Variants in WDPCP observed in about 807,000 individuals in gnomAD.
WDPCP encodes the protein WD repeat-containing and planar cell polarity effector protein fritz homolog.
A neutral mutation model predicts 93.1 loss-of-function variants in WDPCP; 71 were observed. That is an observed-to-expected ratio of 0.76 (90% CI 0.63 to 0.93). The LOEUF (loss-of-function observed/expected upper bound fraction) is 0.93. WDPCP is among the 40% of genes least tolerant of loss of function. The pLI is 0.00. For missense variants in WDPCP, 844 were observed against 887.4 expected (o/e 0.95, Z 0.62); for synonymous variants, 315 against 315.0 (o/e 1.00, Z 0.00).
intron 13 of WDPCP, among the ~76,000 whole-genome samples, chr2:63,288,848 T>C (rs1224838033): frequency 6.6e-6 from 1 of 152,170 alleles, no homozygotes; most frequent in Non-Finnish European, 1.5e-5. Flanking sequence ...TTACTTTCTA[T>C]GAACTTAGCA....
At chr2:63,324,963 A>G (rs1251946099) in intron 12 of WDPCP, among the ~76,000 whole-genome samples, 1 of 152,198 alleles carries the variant, frequency 6.6e-6, no homozygotes, top group Non-Finnish European at 1.5e-5. Context: ...CATCACCTGA[A>G]TCACTTGAGG....
chr2:63,140,824 C>T (rs1381046559), intron 17 of WDPCP, among the ~76,000 whole-genome samples: 1 of 152,170 alleles, frequency 6.6e-6, no homozygotes, highest in Non-Finnish European at 1.5e-5. Flanking sequence ...TGTCTGATTG[C>T]TCTGGCTAGG....
intron 9 of WDPCP, among the ~76,000 whole-genome samples, chr2:63,405,594 G>A (rs1432162419): frequency 1.4e-5 from 2 of 142,706 alleles, no homozygotes; most frequent in East Asian, 4.0e-4. Context: ...TGTTGGCGGG[G>A]GTGGTCCTGG....
At position 63,381,588 on chromosome 2, in the gene WDPCP, C is replaced by T. The variant is rs564427417; in HGVS notation, c.1624+318G>A. Among the ~76,000 whole-genome samples, 185 of 152,266 alleles carry T rather than the reference C, an allele frequency of 1.2e-3. 1 individual carries two copies. The highest frequency in any genetic ancestry group is 4.3e-3 in the African/African-American group (178 of 41,558). On this transcript the variant is annotated intron_variant, in intron 11 of 17. Transcript: ENST00000272321. ...TTTGTCTAGCAGACCCCACGGAGTA[C>T]ATGAAATTTTTGATCAAAGTTTGAA...
At chr2:63,168,371 CT>C (rs1397134237) in intron 15 of WDPCP, among the ~76,000 whole-genome samples, 1 of 151,812 alleles carries the variant, frequency 6.6e-6, no homozygotes, top group Non-Finnish European at 1.5e-5. Flanking sequence ...GCCTGAATAT[CT>C]TTCCCCATTC....
intron 2 of WDPCP, among the ~76,000 whole-genome samples, chr2:63,680,455 C>G (rs1710478193): frequency 6.6e-6 from 1 of 152,160 alleles, no homozygotes; most frequent in Admixed American, 6.5e-5. Context: ...GAAAGCAAAA[C>G]CAGGTTGAGG....
chr2:63,564,932 C>A (rs1453758849), intron 1 of WDPCP, among the ~76,000 whole-genome samples: 2 of 152,122 alleles, frequency 1.3e-5, no homozygotes, highest in Non-Finnish European at 2.9e-5. Context: ...CGCGTGCCAC[C>A]ATACCTGGCT....
intron 1 of WDPCP, among the ~76,000 whole-genome samples, chr2:63,529,491 G>C (rs1703642763): frequency 6.6e-6 from 1 of 152,118 alleles, no homozygotes; most frequent in South Asian, 2.1e-4. Flanking sequence ...TTTTGTCTTT[G>C]GTTCTGTTTA....
chr2:63,477,575 G>A (rs913525910), intron 6 of WDPCP, among the ~76,000 whole-genome samples: 2 of 152,048 alleles, frequency 1.3e-5, no homozygotes, highest in Non-Finnish European at 2.9e-5. Flanking sequence ...AGAGCAGCAC[G>A]TGGGGACACA....
At chr2:63,214,288 T>C (rs548924251) in intron 14 of WDPCP, among the ~76,000 whole-genome samples, 1 of 152,312 alleles carries the variant, frequency 6.6e-6, no homozygotes, top group East Asian at 1.9e-4. Context: ...TCAAGTGGGC[T>C]TCATCCCTGG....
rs184851771 is a variant in WDPCP, at chr2:63,281,592, C to T, written c.1813-22183G>A. ...TGGAACCAGTCCAAATACCAATCAACGAGCGGATAAAGAAAATGTGATATA... is the reference window on the plus strand; with the variant it reads ...TGGAACCAGTCCAAATACCAATCAATGAGCGGATAAAGAAAATGTGATATA... On this transcript the variant is annotated intron_variant, in intron 13 of 17. Transcript: ENST00000272321. Among the ~76,000 whole-genome samples, 330 of 152,140 alleles carry T rather than the reference C, an allele frequency of 2.2e-3. 1 individual carries two copies. Among genetic ancestry groups the T allele is most frequent in the African/African-American group, 6.2e-3 (258 of 41,520 alleles).
intron 1 of WDPCP, among the ~76,000 whole-genome samples, chr2:63,819,099 T>C (rs947340444): frequency 2.6e-5 from 4 of 152,198 alleles, no homozygotes; most frequent in African/African-American, 9.6e-5. Flanking sequence ...AAAAAGATTG[T>C]ACAGAAACAG....
intron 2 of WDPCP, among the ~76,000 whole-genome samples, chr2:63,796,536 A>C (rs1289080788): frequency 6.6e-6 from 1 of 152,174 alleles, no homozygotes; most frequent in Non-Finnish European, 1.5e-5. Context: ...TGGCACAAAG[A>C]GATAATCTGT....
chr2:63,555,465 C>T (rs1395774615), intron 1 of WDPCP, among the ~76,000 whole-genome samples: 1 of 152,230 alleles, frequency 6.6e-6, no homozygotes, highest in African/African-American at 2.4e-5. Flanking sequence ...CCCCCCAGTG[C>T]AGCACACCCT....
intron 2 of WDPCP, among the ~76,000 whole-genome samples, chr2:63,730,723 G>T (rs1014042071): frequency 2.0e-5 from 3 of 152,024 alleles, no homozygotes; most frequent in African/African-American, 7.3e-5. Context: ...GCAAGAAAAG[G>T]TACTGAGAAA....
chr2:63,763,501 CAA>C (rs746333217), intron 2 of WDPCP, among the ~76,000 whole-genome samples: 48 of 65,296 alleles, frequency 7.4e-4, no homozygotes, highest in Admixed American at 1.4e-3. Flanking sequence ...GACTTTGTCT[CAA>C]AAAAAAAAAA....
chr2:63,171,301 G>A (rs538086338), intron 15 of WDPCP, among the ~76,000 whole-genome samples: 1 of 152,256 alleles, frequency 6.6e-6, no homozygotes, highest in Non-Finnish European at 1.5e-5. Flanking sequence ...TGCACATCAG[G>A]TATTTAATAA....
At chr2:63,563,543 T>A (rs1706792061) in intron 1 of WDPCP, among the ~76,000 whole-genome samples, 1 of 152,062 alleles carries the variant, frequency 6.6e-6, no homozygotes, top group African/African-American at 2.4e-5. Flanking sequence ...TTGCTGGGAC[T>A]GCAGGGAGGG....
intron 1 of WDPCP, among the ~76,000 whole-genome samples, chr2:63,511,775 G>A (rs908397849): frequency 6.6e-6 from 1 of 152,152 alleles, no homozygotes; most frequent in African/African-American, 2.4e-5. Context: ...TTAAACGTAA[G>A]ACCTAAAACT....
Sources: allele counts gnomAD v4.1 joint callset (sites outside exome capture counted in the v4.1 genomes callset), GRCh38; gene constraint gnomAD v4.1.1; transcripts MANE v1.5; gene names NCBI Gene and HGNC (gene_info 2026-07-23, HGNC 2026-07-21).